Variants in ARNT observed in about 807,000 individuals in gnomAD.
ARNT encodes the protein aryl hydrocarbon receptor nuclear translocator, also known as class E basic helix-loop-helix protein 2.
In ARNT, 30 loss-of-function variants were observed where a neutral mutation model predicts 105.0. The ratio of observed to expected loss-of-function variants is 0.29; its 90% CI spans 0.21 to 0.39. ARNT has a LOEUF of 0.39. Among genes scored for constraint, ARNT ranks in the 10% least tolerant of loss-of-function variants. The pLI is 1.00. For synonymous variants in ARNT, 304 were observed against 344.0 expected (o/e 0.88, Z 1.29); for missense variants, 748 against 978.7 (o/e 0.76, Z 3.15).
intron 8 of ARNT, 29 bp from the exon 9 acceptor site, chr1:150,832,428 C>T: frequency 6.2e-7 from 1 of 1,608,488 alleles, no homozygotes; most frequent in South Asian, 1.1e-5. Flanking sequence ...AGATTAAAAG[C>T]AATCAGACTG....
At chr1:150,839,877 C>T (rs587765913) in intron 5 of ARNT, among the ~76,000 whole-genome samples, 1 of 152,244 alleles carries the variant, frequency 6.6e-6, no homozygotes, top group East Asian at 1.9e-4. Context: ...TAATGTAATT[C>T]CCTTCCCCCT....
intron 1 of ARNT, among the ~76,000 whole-genome samples, chr1:150,864,030 T>G (rs587669195): frequency 5.3e-5 from 8 of 152,258 alleles, no homozygotes; most frequent in African/African-American, 1.9e-4. Context: ...CCTAGGTATG[T>G]AGGTGTATAG....
Position 150,832,406 on chromosome 1 carries a change from C to T in ARNT, c.804-7G>A. On this transcript the variant is annotated splice_polypyrimidine_tract_variant and splice_region_variant and intron_variant, in intron 8 of 21. Transcript: ENST00000358595. The stretch of plus-strand genomic sequence containing the variant: ...CACAGAGCTACTGCCACACCTGTTT[C>T]AAGGAATAAAGAGATTAAAAGCAAT... The T allele has an allele frequency of 6.2e-7, 1 of 1,613,996 alleles. No homozygotes were observed. The highest frequency in any genetic ancestry group is 1.1e-5 in the South Asian group (1 of 91,084).
At chr1:150,849,369 G>A (rs1248683496) in intron 3 of ARNT, among the ~76,000 whole-genome samples, 1 of 152,122 alleles carries the variant, frequency 6.6e-6, no homozygotes, top group East Asian at 1.9e-4. Flanking sequence ...AAAGCAGATT[G>A]CGGTCAAAGT....
chr1:150,814,713 C>T (rs1268411209), intron 19 of ARNT, among the ~76,000 whole-genome samples: 4 of 152,036 alleles, frequency 2.6e-5, no homozygotes, highest in African/African-American at 7.2e-5. Flanking sequence ...CATGGTGGCA[C>T]GTGCCTGTAA....
chr1:150,867,533 AAGAG>A (rs1220922633), intron 1 of ARNT, among the ~76,000 whole-genome samples: 7 of 152,162 alleles, frequency 4.6e-5, no homozygotes, highest in Non-Finnish European at 2.9e-5. Flanking sequence ...TTAAAAGAAA[AAGAG>A]AGAGATATCT....
intron 14 of ARNT, chr1:150,818,286 A>G (rs7518440): frequency 0.99 from 367,484 of 370,150 alleles, 182,472 homozygotes; most frequent in East Asian, 1. Flanking sequence ...AAACCTGGTT[A>G]TTGTGAATGT....
chr1:150,857,779 T>C (rs1349176919), intron 2 of ARNT, among the ~76,000 whole-genome samples: 1 of 152,202 alleles, frequency 6.6e-6, no homozygotes, highest in Non-Finnish European at 1.5e-5. Context: ...CTATCATATA[T>C]TCATGTGTAT....
At chr1:150,857,122 T>C (rs971081634) in intron 2 of ARNT, among the ~76,000 whole-genome samples, 1 of 152,236 alleles carries the variant, frequency 6.6e-6, no homozygotes, top group Admixed American at 6.5e-5. Context: ...TTTTTTCCTA[T>C]GTACATGTTA....
In ARNT at chr1:150,817,066, T is replaced by C. The variant is rs1267692925; in HGVS notation, c.1699+16A>G. ...TCTAAATGAGAATTTAAAAGGATAATGAGAAAGAAACATACCCGCATTGAT... is the reference window on the plus strand; with the variant it reads ...TCTAAATGAGAATTTAAAAGGATAACGAGAAAGAAACATACCCGCATTGAT... On this transcript the variant is annotated intron_variant, in intron 17 of 21. Coordinates refer to ENST00000358595, the MANE Select transcript of ARNT (RefSeq NM_001668.4). 1.9e-6 allele frequency: 3 copies of C among 1,613,900 alleles called. No individual in the cohort carries two copies. The highest frequency in any genetic ancestry group is 2.5e-6 in the Non-Finnish European group (3 of 1,179,982).
At chr1:150,867,815 A>T (rs940860508) in intron 1 of ARNT, among the ~76,000 whole-genome samples, 1 of 151,964 alleles carries the variant, frequency 6.6e-6, no homozygotes, top group Admixed American at 6.6e-5. Context: ...TGGTTGTTTG[A>T]AAGTGTGTAG....
chr1:150,837,781 G>GCT (rs1660582154), intron 6 of ARNT, among the ~76,000 whole-genome samples: 4 of 151,846 alleles, frequency 2.6e-5, no homozygotes, highest in Non-Finnish European at 5.9e-5. Flanking sequence ...TGAATTTCAA[G>GCT]TATCTGTAAA....
At chr1:150,852,537 A>T (rs928458026) in intron 3 of ARNT, among the ~76,000 whole-genome samples, 2 of 152,190 alleles carry the variant, frequency 1.3e-5, no homozygotes, top group Non-Finnish European at 2.9e-5. Flanking sequence ...AGTAGCAGAG[A>T]ACTGATACAG....
chr1:150,816,691 C>T, intron 18 of ARNT, 97 bp downstream of exon 18: 1 of 1,381,246 alleles, frequency 7.2e-7, no homozygotes, highest in Non-Finnish European at 9.8e-7. Context: ...ACTGCTTTTT[C>T]TGAAGTAACC....
At chr1:150,830,491 C>G (rs1270373028) in intron 10 of ARNT, 1 of 152,480 alleles carries the variant, frequency 6.6e-6, no homozygotes, top group African/African-American at 2.4e-5. Context: ...TAAGTATTTA[C>G]ATATATATTA....
At chr1:150,845,214 G>A (rs1661979142) in intron 4 of ARNT, among the ~76,000 whole-genome samples, 1 of 152,186 alleles carries the variant, frequency 6.6e-6, no homozygotes, top group Non-Finnish European at 1.5e-5. Flanking sequence ...AAACCCCAGA[G>A]TTTGAGGCTG....
At chr1:150,876,251 G>C (rs1326384002) in intron 1 of ARNT, among the ~76,000 whole-genome samples, 2 of 152,186 alleles carry the variant, frequency 1.3e-5, no homozygotes, top group Admixed American at 6.5e-5. Flanking sequence ...GACGCCGACC[G>C]AGGAGTGAGG....
At position 150,811,252 on chromosome 1, in the gene ARNT, T is replaced by G. The variant is rs1266951879; in HGVS notation, c.*769A>C. On this transcript the variant is annotated 3_prime_UTR_variant, in exon 22 of 22. Transcript: ENST00000358595. Reference sequence around the variant, plus strand: ...CCGACTTTCTATATTTGCTTTACAGTTGTATATTGGCTGGGCATGGATGCA... The same window carrying G: ...CCGACTTTCTATATTTGCTTTACAGGTGTATATTGGCTGGGCATGGATGCA... 8.6e-6 allele frequency: 2 copies of G among 233,692 alleles called. No homozygotes were observed. Among genetic ancestry groups the G allele is most frequent in the African/African-American group, 4.4e-5 (2 of 45,348 alleles). The allele number at this position is 233,692 out of a possible 1,614,324, so 14.5% of individuals were successfully genotyped here.
At chr1:150,842,919 G>C (rs1661538228) in intron 4 of ARNT, among the ~76,000 whole-genome samples, 1 of 152,084 alleles carries the variant, frequency 6.6e-6, no homozygotes, top group Admixed American at 6.6e-5. Flanking sequence ...ATCCACATGT[G>C]CTATTCTATA....
Sources: allele counts gnomAD v4.1 joint callset (sites outside exome capture counted in the v4.1 genomes callset), GRCh38; gene constraint gnomAD v4.1.1; transcripts MANE v1.5; gene names NCBI Gene and HGNC (gene_info 2026-07-23, HGNC 2026-07-21).